METTL24: variants seen among roughly 807,000 people sequenced by gnomAD.
METTL24 encodes methyltransferase like 24.
METTL24 carries 29 observed loss-of-function variants against 32.7 expected under a neutral mutation model. The observed-to-expected ratio is 0.89, with a 90% CI of 0.66 to 1.21. METTL24 has a LOEUF of 1.21. Ranked by LOEUF, METTL24 falls within the 50% of genes most tolerant of loss-of-function variation. The probability of loss-of-function intolerance (pLI) is 0.00; values close to 1 mark genes in which losing one functional copy is unlikely to be tolerated. For missense variants in METTL24, 439 were observed against 468.1 expected (o/e 0.94, Z 0.57); for synonymous variants, 163 against 179.5 (o/e 0.91, Z 0.73).
Position 110,262,994 on chromosome 6 carries a change from C to G in METTL24, c.787-16734G>C, listed in dbSNP as rs778150156. 2.0e-5 allele frequency among the ~76,000 whole-genome samples: 3 copies of G among 152,274 alleles called. No individual in the cohort carries two copies. In the South Asian group the frequency reaches 6.2e-4, roughly 32 times the overall value. ...TCAAAATAATCAGAGCTATTAATGA[C>G]AAACCCACAGCCAATATCATACTGA... is the stretch of plus-strand genomic sequence containing the variant. On this transcript the variant is annotated intron_variant, in intron 4 of 4. Transcript: ENST00000338882.
intron 4 of METTL24, among the ~76,000 whole-genome samples, chr6:110,293,844 T>C (rs1771363382): frequency 6.6e-6 from 1 of 151,934 alleles, no homozygotes; most frequent in Non-Finnish European, 1.5e-5. Context: ...TTCTTACAAG[T>C]GCATGTGAAT....
At chr6:110,276,543 T>C (rs1771050777) in intron 4 of METTL24, among the ~76,000 whole-genome samples, 1 of 152,186 alleles carries the variant, frequency 6.6e-6, no homozygotes, top group Non-Finnish European at 1.5e-5. Flanking sequence ...AAAGATTAGC[T>C]CAATAGCTCA....
chr6:110,266,367 T>A (rs999256833), intron 4 of METTL24, among the ~76,000 whole-genome samples: 5 of 152,082 alleles, frequency 3.3e-5, no homozygotes, highest in African/African-American at 1.2e-4. Flanking sequence ...TGTAAAGAAG[T>A]GGTTAGTGGA....
chr6:110,298,475 G>T (rs1381994255), intron 4 of METTL24, among the ~76,000 whole-genome samples: 1 of 151,980 alleles, frequency 6.6e-6, no homozygotes, highest in Non-Finnish European at 1.5e-5. Flanking sequence ...GAGCCTAGAC[G>T]TTCAAAATAG....
intron 4 of METTL24, among the ~76,000 whole-genome samples, chr6:110,295,511 C>T (rs1027120764): frequency 2.0e-5 from 3 of 152,220 alleles, no homozygotes; most frequent in South Asian, 2.1e-4. Flanking sequence ...AGGGCCCCAG[C>T]CCCAAGGTCT....
intron 3 of METTL24, among the ~76,000 whole-genome samples, chr6:110,314,141 G>T (rs1480202080): frequency 6.6e-6 from 1 of 152,072 alleles, no homozygotes; most frequent in Non-Finnish European, 1.5e-5. Context: ...TCATACCTGG[G>T]CCTGAATGTA....
chr6:110,329,280 C>A (rs1204061679), intron 1 of METTL24, among the ~76,000 whole-genome samples: 1 of 152,130 alleles, frequency 6.6e-6, no homozygotes. Flanking sequence ...TGGAAATGAA[C>A]AAGGAACTAG....
chr6:110,277,046 T>C (rs1396256930), intron 4 of METTL24, among the ~76,000 whole-genome samples: 2 of 152,148 alleles, frequency 1.3e-5, no homozygotes, highest in Non-Finnish European at 2.9e-5. Flanking sequence ...ACATTTTTTC[T>C]ATTTAAAATG....
chr6:110,336,522 C>T lies in METTL24; in HGVS notation c.319-13650G>A, dbSNP rs183704807. Among the ~76,000 whole-genome samples the T allele has an allele frequency of 2.5e-3, 377 of 152,074 alleles. 3 individuals are homozygous for T. Among genetic ancestry groups the T allele is most frequent in the Middle Eastern group, 3.4e-3 (1 of 292 alleles). The stretch of plus-strand genomic sequence containing the variant: ...TTGGGAGGCTGAGGTGGGCGGATCA[C>T]GAGGTCAGGAGATAGAGACCATCCT... On this transcript the variant is annotated intron_variant, in intron 1 of 4. Transcript: ENST00000338882.
intron 3 of METTL24, among the ~76,000 whole-genome samples, chr6:110,300,862 G>T (rs1316313758): frequency 6.6e-6 from 1 of 152,108 alleles, no homozygotes; most frequent in African/African-American, 2.4e-5. Context: ...AATCAATACA[G>T]TATAATCACT....
intron 1 of METTL24, among the ~76,000 whole-genome samples, chr6:110,333,056 C>A (rs1772137069): frequency 6.6e-6 from 1 of 152,128 alleles, no homozygotes; most frequent in Non-Finnish European, 1.5e-5. Context: ...TGTATACACA[C>A]CCTATTCAAA....
chr6:110,246,123 G>A lies in METTL24; in HGVS notation c.924C>T (p.Gly308=). ...AGAACCGCACAACGCTGCTGTCACTGCCACTGACCTCAAACCCAGGCCAGT... is the reference window on the plus strand; with the variant it reads ...AGAACCGCACAACGCTGCTGTCACTACCACTGACCTCAAACCCAGGCCAGT... ...HLHWPGFEVS[G]SDSSVVRFWY... Residue 308 remains glycine, a synonymous_variant, in exon 5 of 5, where the codon GGC becomes GGT. Coordinates refer to ENST00000338882, the MANE Select transcript of METTL24 (RefSeq NM_001123364.3). The A allele has an allele frequency of 1.2e-6, 2 of 1,614,172 alleles. No individual in the cohort carries two copies. The highest frequency in any genetic ancestry group is 1.7e-6 in the Non-Finnish European group (2 of 1,180,036).
chr6:110,349,104 C>T (rs1183471169), intron 1 of METTL24, among the ~76,000 whole-genome samples: 1 of 152,132 alleles, frequency 6.6e-6, no homozygotes, highest in Non-Finnish European at 1.5e-5. Context: ...TGAAACATGA[C>T]CTAGACGATG....
intron 4 of METTL24, among the ~76,000 whole-genome samples, chr6:110,282,330 T>C (rs1376787571): frequency 3.3e-5 from 5 of 152,188 alleles, no homozygotes; most frequent in African/African-American, 1.2e-4. Context: ...CCAGTAATTG[T>C]ATATTGGCCT....
In METTL24 at chr6:110,244,486, T is replaced by G. The variant is rs1778111201; in HGVS notation, c.*1460A>C. Among the ~76,000 whole-genome samples, 1 of 152,180 alleles carries G rather than the reference T, an allele frequency of 6.6e-6. No individual in the cohort carries two copies. Among genetic ancestry groups the G allele is most frequent in the Non-Finnish European group, 1.5e-5 (1 of 68,036 alleles). On this transcript the variant is annotated 3_prime_UTR_variant, in exon 5 of 5. Transcript: ENST00000338882. ...GTATTAGTCCATTCTCACACTGCTA[T>G]GAAGATATACCTGAGACTGAGTAAT... is the stretch of plus-strand genomic sequence containing the variant.
chr6:110,302,282 A>T (rs1234969068), intron 3 of METTL24, among the ~76,000 whole-genome samples: 12 of 152,008 alleles, frequency 7.9e-5, no homozygotes, highest in Non-Finnish European at 1.3e-4. Context: ...CATCAAAAAA[A>T]AAAAGAGAAC....
intron 4 of METTL24, among the ~76,000 whole-genome samples, chr6:110,267,361 A>C (rs963618651): frequency 6.6e-6 from 1 of 152,244 alleles, no homozygotes; most frequent in African/African-American, 2.4e-5. Context: ...ATGAGAGGGG[A>C]AAAACTTTCT....
At chr6:110,300,123 C>T (rs1029543720) in intron 3 of METTL24, among the ~76,000 whole-genome samples, 2 of 152,086 alleles carry the variant, frequency 1.3e-5, no homozygotes, top group Non-Finnish European at 2.9e-5. Context: ...GTGGGTTCCA[C>T]GTCCACAAAT....
intron 1 of METTL24, among the ~76,000 whole-genome samples, chr6:110,331,705 C>G (rs931539758): frequency 6.6e-6 from 1 of 151,610 alleles, no homozygotes; most frequent in African/African-American, 2.4e-5. Context: ...CTGAAAGACC[C>G]CCCAAATATG....
Sources: gnomAD v4.1 joint callset for allele counts (sites outside exome capture counted in the v4.1 genomes callset) on GRCh38, gnomAD v4.1.1 for gene constraint, MANE v1.5 for transcripts, NCBI Gene and HGNC (gene_info 2026-07-23, HGNC 2026-07-21) for gene names.